Variants in MYH10 observed in about 807,000 individuals in gnomAD.
MYH10 encodes the protein myosin heavy chain 10.
In MYH10, 55 loss-of-function variants were observed where a neutral mutation model predicts 257.8. The observed-to-expected ratio is 0.21, with a 90% CI of 0.17 to 0.27. The LOEUF (loss-of-function observed/expected upper bound fraction) is 0.27, where lower values mean the gene tolerates loss of function less well. Among genes scored for constraint, MYH10 ranks in the 10% least tolerant of loss-of-function variants. The probability of loss-of-function intolerance (pLI) is 1.00; values close to 1 mark genes in which losing one functional copy is unlikely to be tolerated. For missense variants in MYH10, 1,631 were observed against 2,500.6 expected (o/e 0.65, Z 7.42); for synonymous variants, 854 against 921.7 (o/e 0.93, Z 1.33).
At chr17:8,533,257 T>G (rs753454161) in intron 16 of MYH10, among the ~76,000 whole-genome samples, 1 of 152,186 alleles carries the variant, frequency 6.6e-6, no homozygotes, top group Non-Finnish European at 1.5e-5. Flanking sequence ...TGCTATTTAT[T>G]CAGCACAGTC....
intron 7 of MYH10, among the ~76,000 whole-genome samples, chr17:8,566,375 T>A (rs77560776): frequency 0.015 from 2,304 of 152,284 alleles, 24 homozygotes; most frequent in Non-Finnish European, 0.022. Flanking sequence ...GAAGAAGGCA[T>A]GTGATTTCCA....
At chr17:8,581,317 G>T (rs979916137) in intron 4 of MYH10, among the ~76,000 whole-genome samples, 11 of 151,962 alleles carry the variant, frequency 7.2e-5, no homozygotes, top group African/African-American at 7.3e-5. Flanking sequence ...TTGGTTGTTG[G>T]TTTCAAAAAG....
At chr17:8,615,710 A>G (rs1466278475) in intron 2 of MYH10, among the ~76,000 whole-genome samples, 1 of 152,250 alleles carries the variant, frequency 6.6e-6, no homozygotes, top group Admixed American at 6.5e-5. Flanking sequence ...TGAATAATGG[A>G]AAAACATTTG....
At chr17:8,514,572 C>T (rs1438105302) in intron 21 of MYH10, among the ~76,000 whole-genome samples, 1 of 152,134 alleles carries the variant, frequency 6.6e-6, no homozygotes, top group Non-Finnish European at 1.5e-5. Context: ...CATTCGCCTT[C>T]ACTCTACTAT....
At chr17:8,601,326 T>C (rs1201905235) in intron 3 of MYH10, among the ~76,000 whole-genome samples, 1 of 152,130 alleles carries the variant, frequency 6.6e-6, no homozygotes, top group East Asian at 1.9e-4. Context: ...GGCCTCGGTG[T>C]TCCTAAATTC....
At chr17:8,563,278 T>C (rs2083055844) in intron 7 of MYH10, among the ~76,000 whole-genome samples, 3 of 152,280 alleles carry the variant, frequency 2.0e-5, no homozygotes, top group African/African-American at 7.2e-5. Context: ...TAAAATGAGT[T>C]TTCACATGCA....
At chr17:8,482,055 C>T (rs1210574754) in intron 37 of MYH10, among the ~76,000 whole-genome samples, 1 of 152,202 alleles carries the variant, frequency 6.6e-6, no homozygotes, top group Non-Finnish European at 1.5e-5. Flanking sequence ...ACGGGAGGAA[C>T]TGCCTGATGG....
intron 7 of MYH10, among the ~76,000 whole-genome samples, chr17:8,554,472 G>A (rs2313461): frequency 0.97 from 146,941 of 151,838 alleles, 71,298 homozygotes; most frequent in East Asian, 1. Context: ...AAAAAATAGT[G>A]AAACAGAATT....
rs772155329 is a variant in MYH10 at position 8,513,590 on chromosome 17, T to C, written c.2693A>G (p.Lys898Arg). ...KDEELLKVKE[K>R]QTKVEGELEE... is the part of the protein sequence containing the mutation. ...CAGCTCTCCTTCCACCTTCGTCTGC[T>C]TCTCCTTCACCTTCAACAGCTCTTC... is the stretch of plus-strand genomic sequence containing the variant. Residue 898 changes from lysine to arginine, a missense_variant, in exon 23 of 43, where the codon AAG becomes AGG. Around this residue, in one of 11 missense-constraint regions of MYH10, gnomAD observed 116 missense variants for 221.6 expected, o/e 0.52. Coordinates refer to ENST00000360416, the MANE Select transcript of MYH10 (RefSeq NM_001256012.3). 14 of 1,614,190 alleles carry C rather than the reference T, an allele frequency of 8.7e-6. No homozygotes were observed. In the Admixed American group the frequency reaches 2.2e-4, roughly 25 times the overall value.
intron 17 of MYH10, among the ~76,000 whole-genome samples, chr17:8,528,969 G>C (rs935862687): frequency 1.3e-5 from 2 of 152,198 alleles, no homozygotes; most frequent in Non-Finnish European, 2.9e-5. Context: ...ACCTCACAGA[G>C]AGAGACAGAA....
At chr17:8,596,205 T>A (rs1193181821) in intron 3 of MYH10, among the ~76,000 whole-genome samples, 1 of 150,136 alleles carries the variant, frequency 6.7e-6, no homozygotes, top group African/African-American at 2.5e-5. Context: ...CAAGCTGGAG[T>A]GCAGTGGCGC....
chr17:8,480,160 G>C lies in MYH10; in HGVS notation c.5547C>G (p.Ala1849=), dbSNP rs201563118. The C allele has an allele frequency of 1.5e-5, 25 of 1,614,020 alleles. No individual in the cohort carries two copies. Among genetic ancestry groups the C allele is most frequent in the Non-Finnish European group, 2.1e-5 (25 of 1,180,044 alleles). ...CCAGCTGCCCAATCTTGGCCTCCAG[G>C]GCTGAGATGGTGGCCTTGAACTTAG... ...VKSKFKATIS[A]LEAKIGQLEE... Residue 1849 remains alanine, a synonymous_variant, in exon 40 of 43, where the codon GCC becomes GCG. Coordinates refer to ENST00000360416, the MANE Select transcript of MYH10 (RefSeq NM_001256012.3).
intron 7 of MYH10, among the ~76,000 whole-genome samples, chr17:8,564,675 T>C (rs1229389879): frequency 6.6e-6 from 1 of 152,212 alleles, no homozygotes; most frequent in African/African-American, 2.4e-5. Flanking sequence ...TTGTAGTGTC[T>C]GCCACATTTT....
chr17:8,577,953 AAG>A (rs2083561620), intron 4 of MYH10, among the ~76,000 whole-genome samples: 1 of 152,202 alleles, frequency 6.6e-6, no homozygotes, highest in South Asian at 2.1e-4. Context: ...AACATTCATG[AAG>A]AAAACTCCTC....
chr17:8,477,152 TG>T lies in MYH10; in HGVS notation c.5707-105del. ...TGTGGGGCTCTGCCTGTTACCCTTG[TG>T]AGCACGCGTGTACACGGATGTACAC... is the stretch of plus-strand genomic sequence containing the variant. On this transcript the variant is annotated intron_variant, in intron 41 of 42. Coordinates refer to ENST00000360416, the MANE Select transcript of MYH10 (RefSeq NM_001256012.3). This position sits in a 1 kb window ranked among gnomAD's most constrained non-coding sequence, Gnocchi z 4.2. 1 of 1,310,792 alleles carries T rather than the reference TG, an allele frequency of 7.6e-7. No homozygotes were observed. The highest frequency in any genetic ancestry group is 2.3e-5 in the East Asian group (1 of 43,048). The allele number at this position is 1,310,792 out of a possible 1,614,324, so 81.2% of individuals were successfully genotyped here. A position where few individuals can be genotyped will look rare whatever the true frequency, so the allele number is the denominator to read the frequency against.
intron 24 of MYH10, among the ~76,000 whole-genome samples, chr17:8,510,555 C>A (rs2081234152): frequency 6.6e-6 from 1 of 152,086 alleles, no homozygotes; most frequent in Non-Finnish European, 1.5e-5. Context: ...TAACTATGAA[C>A]ATGCTACAAA....
In MYH10 at chr17:8,589,118, A is replaced by G. The variant is rs1284857558; in HGVS notation, c.503-10T>C. The G allele has an allele frequency of 1.9e-6, 3 of 1,611,606 alleles. No homozygotes were observed. The highest frequency in any genetic ancestry group is 1.3e-5 in the African/African-American group (1 of 74,748). On this transcript the variant is annotated splice_polypyrimidine_tract_variant and intron_variant, in intron 3 of 42. Coordinates refer to ENST00000360416, the MANE Select transcript of MYH10 (RefSeq NM_001256012.3). Reference sequence around the variant, plus strand: ...GACTGGTCCTCACGATCTATAAAACAGAACAAAACAAACAAAAAAAAGAAA... The same window carrying G: ...GACTGGTCCTCACGATCTATAAAACGGAACAAAACAAACAAAAAAAAGAAA...
intron 26 of MYH10, among the ~76,000 whole-genome samples, chr17:8,507,254 AAAAC>A (rs1012275634): frequency 4.6e-5 from 7 of 152,240 alleles, no homozygotes; most frequent in South Asian, 2.1e-4. Flanking sequence ...TGTTTATACT[AAAAC>A]AAACAAACAA....
At chr17:8,484,305 C>A in intron 36 of MYH10, 39 bp from the exon 37 acceptor site, 1 of 1,574,370 alleles carries the variant, frequency 6.4e-7, no homozygotes, top group Non-Finnish European at 8.6e-7. Flanking sequence ...GGTTTACATT[C>A]TTAGTTTTAG....
Sources: gnomAD v4.1 joint callset for allele counts (sites outside exome capture counted in the v4.1 genomes callset) on GRCh38, gnomAD v4.1.1 for gene constraint, gnomAD v4.1.1 regional missense constraint, Gnocchi (gnomAD v3.1) non-coding constraint, MANE v1.5 for transcripts, NCBI Gene and HGNC (gene_info 2026-07-23, HGNC 2026-07-21) for gene names.